Variants in AP3S1 observed in about 807,000 individuals in gnomAD.
AP3S1 encodes adaptor related protein complex 3 subunit sigma 1.
AP3S1 carries 12 observed loss-of-function variants against 21.3 expected under a neutral mutation model. That is an observed-to-expected ratio of 0.56 (90% CI 0.36 to 0.91). The LOEUF is 0.91. Ranked by LOEUF, AP3S1 falls within the 40% of genes least tolerant of loss-of-function variation. The probability of loss-of-function intolerance (pLI) is 0.01; values close to 1 mark genes in which losing one functional copy is unlikely to be tolerated. For synonymous variants in AP3S1, 48 were observed against 78.4 expected (o/e 0.61, Z 2.05); for missense variants, 116 against 225.0 (o/e 0.52, Z 3.10).
intron 1 of AP3S1, 29 bp downstream of exon 1, chr5:115,842,135 C>G (rs548944937): frequency 1.3e-6 from 2 of 1,519,216 alleles, no homozygotes; most frequent in East Asian, 2.7e-5. Flanking sequence ...CTGATCCGGG[C>G]GAGGGGGAGT....
chr5:115,849,744 A>C (rs1453567527), intron 1 of AP3S1, among the ~76,000 whole-genome samples: 1 of 152,140 alleles, frequency 6.6e-6, no homozygotes, highest in Non-Finnish European at 1.5e-5. Flanking sequence ...AGGTGTTGCT[A>C]GGCCAGTGAA....
intron 3 of AP3S1, among the ~76,000 whole-genome samples, chr5:115,880,072 T>C (rs1749136180): frequency 1.3e-5 from 2 of 152,306 alleles, no homozygotes; most frequent in Non-Finnish European, 2.9e-5. Flanking sequence ...TAATTTTTTA[T>C]TGTGTCTATT....
At chr5:115,877,511 T>C (rs1341794927) in intron 3 of AP3S1, among the ~76,000 whole-genome samples, 1 of 152,200 alleles carries the variant, frequency 6.6e-6, no homozygotes, top group Non-Finnish European at 1.5e-5. Context: ...TTCATCCATG[T>C]CCCTGCAAAG....
chr5:115,889,594 A>G (rs535683842), intron 3 of AP3S1, among the ~76,000 whole-genome samples: 1 of 152,332 alleles, frequency 6.6e-6, no homozygotes, highest in East Asian at 1.9e-4. Flanking sequence ...TTCCAAGGGC[A>G]CTGTTAGGAG....
chr5:115,882,291 T>C (rs1749366577), intron 3 of AP3S1, among the ~76,000 whole-genome samples: 1 of 151,996 alleles, frequency 6.6e-6, no homozygotes, highest in Non-Finnish European at 1.5e-5. Flanking sequence ...GTCTGGCTTT[T>C]GGAATTTTCA....
chr5:115,852,525 A>T (rs1053345385), intron 1 of AP3S1, among the ~76,000 whole-genome samples: 1 of 152,132 alleles, frequency 6.6e-6, no homozygotes, highest in African/African-American at 2.4e-5. Flanking sequence ...TGGCTTCTAG[A>T]ATTATATCAT....
At chr5:115,899,085 C>T (rs907001349) in intron 4 of AP3S1, among the ~76,000 whole-genome samples, 8 of 152,194 alleles carry the variant, frequency 5.3e-5, no homozygotes, top group African/African-American at 1.9e-4. Flanking sequence ...TGCATTCCCC[C>T]ACTTGCCTCC....
chr5:115,912,370 A>G (rs1272933566), intron 5 of AP3S1, among the ~76,000 whole-genome samples: 1 of 152,076 alleles, frequency 6.6e-6, no homozygotes, highest in Non-Finnish European at 1.5e-5. Context: ...GCCTGAATAA[A>G]AAGTAATGAA....
At chr5:115,885,381 C>G (rs1276084306) in intron 3 of AP3S1, among the ~76,000 whole-genome samples, 4 of 152,086 alleles carry the variant, frequency 2.6e-5, no homozygotes, top group Non-Finnish European at 5.9e-5. Context: ...AGTCTGTGGT[C>G]AAAGGCCAGA....
intron 1 of AP3S1, among the ~76,000 whole-genome samples, chr5:115,855,250 G>A (rs766109556): frequency 2.6e-5 from 4 of 151,986 alleles, no homozygotes; most frequent in Non-Finnish European, 4.4e-5. Flanking sequence ...TGTTGATCAG[G>A]CTGGTTTTGA....
intron 1 of AP3S1, among the ~76,000 whole-genome samples, chr5:115,842,863 TGTG>T (rs970240260): frequency 6.6e-6 from 1 of 152,266 alleles, no homozygotes; most frequent in Non-Finnish European, 1.5e-5. Context: ...TGATTGGAGC[TGTG>T]GTTCTATACC....
At chr5:115,851,875 A>G (rs1207624859) in intron 1 of AP3S1, among the ~76,000 whole-genome samples, 2 of 151,978 alleles carry the variant, frequency 1.3e-5, no homozygotes, top group East Asian at 3.9e-4. Context: ...TGCTTTTGGT[A>G]TCATACCCAG....
intron 3 of AP3S1, among the ~76,000 whole-genome samples, chr5:115,870,969 G>A (rs748255585): frequency 2.0e-5 from 3 of 152,160 alleles, no homozygotes; most frequent in Non-Finnish European, 2.9e-5. Context: ...ATTCCCAAAG[G>A]GTGATATGAA....
chr5:115,895,322 T>A (rs1750663069), intron 4 of AP3S1, among the ~76,000 whole-genome samples, 164 bp downstream of exon 4: 1 of 152,182 alleles, frequency 6.6e-6, no homozygotes, highest in Non-Finnish European at 1.5e-5. Flanking sequence ...TGGAGAAGAT[T>A]CAGATCCTGC....
intron 1 of AP3S1, among the ~76,000 whole-genome samples, chr5:115,858,236 A>AT (rs1212905527): frequency 1.3e-5 from 2 of 152,182 alleles, no homozygotes; most frequent in Non-Finnish European, 2.9e-5. Context: ...TGGGAAGTAG[A>AT]TTTTTTGTGA....
chr5:115,909,371 A>G (rs1751918197), intron 5 of AP3S1, among the ~76,000 whole-genome samples: 1 of 152,192 alleles, frequency 6.6e-6, no homozygotes, highest in South Asian at 2.1e-4. Context: ...AAGTGCTTGA[A>G]ATTTCCAAGA....
At chr5:115,875,698 C>G (rs933694657) in intron 3 of AP3S1, among the ~76,000 whole-genome samples, 1 of 152,136 alleles carries the variant, frequency 6.6e-6, no homozygotes, top group Non-Finnish European at 1.5e-5. Context: ...CAAGTGAATG[C>G]CCAGGATCAT....
At position 115,860,493 on chromosome 5, in the gene AP3S1, G is replaced by C. The variant is rs182958697; in HGVS notation, c.70-6177G>C. Among the ~76,000 whole-genome samples, 3 of 152,186 alleles carry C rather than the reference G, an allele frequency of 2.0e-5. No homozygotes were observed. In the East Asian group the frequency reaches 5.8e-4, roughly 29 times the overall value. On this transcript the variant is annotated intron_variant, in intron 1 of 5. Coordinates refer to ENST00000316788, the MANE Select transcript of AP3S1 (RefSeq NM_001284.4). ...GAACTTTTGTTGGGGATGGTAGTGG[G>C]AATTTAGTGATCCTTCTGCTTTTCA... is the stretch of plus-strand genomic sequence containing the variant.
At chr5:115,900,218 A>G (rs968760128) in intron 4 of AP3S1, among the ~76,000 whole-genome samples, 1 of 152,200 alleles carries the variant, frequency 6.6e-6, no homozygotes, top group Non-Finnish European at 1.5e-5. Flanking sequence ...TATAGTTACC[A>G]ATTTTCATAA....
Sources: allele counts gnomAD v4.1 joint callset (sites outside exome capture counted in the v4.1 genomes callset), GRCh38; gene constraint gnomAD v4.1.1; transcripts MANE v1.5; gene names NCBI Gene and HGNC (gene_info 2026-07-23, HGNC 2026-07-21).